Variants in SNAP29 observed in about 807,000 individuals in gnomAD.
The protein encoded by SNAP29 is synaptosomal-associated protein 29.
Under a neutral mutation model 27.9 loss-of-function variants are expected in SNAP29, and 13 were observed. The observed-to-expected ratio is 0.47, with a 90% CI of 0.30 to 0.74. The LOEUF is 0.74. Ranked by LOEUF, SNAP29 falls within the 30% of genes least tolerant of loss-of-function variation. SNAP29 has a pLI of 0.06. For missense variants in SNAP29, 368 were observed against 336.5 expected, an observed-to-expected ratio of 1.09 and a Z score of -0.73; for synonymous variants, 119 against 127.1, an observed-to-expected ratio of 0.94 and a Z score of 0.43.
chr22:20,866,190 G>A (rs538988030), intron 1 of SNAP29, among the ~76,000 whole-genome samples: 3 of 152,308 alleles, frequency 2.0e-5, no homozygotes, highest in South Asian at 2.1e-4. Flanking sequence ...GCACACAGAC[G>A]GCGAGGGGCA....
intron 2 of SNAP29, among the ~76,000 whole-genome samples, chr22:20,879,506 T>C (rs969980607): frequency 8.6e-5 from 13 of 151,814 alleles, no homozygotes; most frequent in Middle Eastern, 3.2e-3. Flanking sequence ...GCCACTGCAC[T>C]CCAGCCTGGG....
intron 2 of SNAP29, among the ~76,000 whole-genome samples, chr22:20,871,831 G>A (rs1394022072): frequency 2.0e-4 from 31 of 151,962 alleles, no homozygotes; most frequent in East Asian, 1.9e-4. Context: ...GCAGTGAGCT[G>A]AGATCATGCC....
At chr22:20,865,915 A>G (rs1928447585) in intron 1 of SNAP29, among the ~76,000 whole-genome samples, 1 of 152,210 alleles carries the variant, frequency 6.6e-6, no homozygotes, top group African/African-American at 2.4e-5. Flanking sequence ...AGTCTGTCAC[A>G]TAGGCATGGC....
chr22:20,883,292 G>A (rs1024082308), intron 3 of SNAP29, among the ~76,000 whole-genome samples, 179 bp from the exon 4 acceptor site: 1 of 152,116 alleles, frequency 6.6e-6, no homozygotes, highest in African/African-American at 2.4e-5. Flanking sequence ...CCGTGGAAGC[G>A]TCTCTTCTTC....
intron 2 of SNAP29, among the ~76,000 whole-genome samples, chr22:20,872,170 T>C (rs953398225): frequency 1.3e-5 from 2 of 152,140 alleles, no homozygotes; most frequent in African/African-American, 4.8e-5. Flanking sequence ...AAAAACTGCT[T>C]GATATTATGT....
At chr22:20,884,055 G>A (rs750297701) in intron 4 of SNAP29, among the ~76,000 whole-genome samples, 33 of 152,312 alleles carry the variant, frequency 2.2e-4, no homozygotes, top group Non-Finnish European at 2.6e-4. Context: ...GCAGGGGGCC[G>A]GGCGCAGTGG....
rs1928937648 is a variant in SNAP29 at position 20,883,487 on chromosome 22, G to T, written c.537G>T (p.Gly179=). The change falls in exon 4 of 5, where the codon GGG becomes GGT. Residue 179 remains glycine (G), a synonymous_variant. Coordinates refer to ENST00000215730, the MANE Select transcript of SNAP29 (RefSeq NM_004782.4). Reference sequence around the variant, plus strand: ...TAAACTTAGACCCTGTCCCCAGAGGGGCTGGTTCTGCCATGAGTACTGATG... The same window carrying T: ...TAAACTTAGACCCTGTCCCCAGAGGTGCTGGTTCTGCCATGAGTACTGATG... ...KLDDTDPVPR[G]AGSAMSTDAY... is the part of the protein sequence containing the mutation. The T allele has an allele frequency of 6.2e-7, 1 of 1,612,444 alleles. No homozygotes were observed. Among genetic ancestry groups the T allele is most frequent in the South Asian group, 1.1e-5 (1 of 91,032 alleles).
At chr22:20,871,965 A>G (rs1329063758) in intron 2 of SNAP29, among the ~76,000 whole-genome samples, 4 of 152,108 alleles carry the variant, frequency 2.6e-5, no homozygotes, top group Non-Finnish European at 5.9e-5. Flanking sequence ...GCTGAAGTAG[A>G]TTACTATTGT....
intron 2 of SNAP29, among the ~76,000 whole-genome samples, chr22:20,874,390 C>T (rs1928687556): frequency 2.1e-5 from 2 of 94,940 alleles, no homozygotes; most frequent in Non-Finnish European, 4.1e-5. Context: ...CACACACACA[C>T]ACACACGAAA....
In SNAP29 at chr22:20,890,528, C is replaced by T. The variant is rs148419415; in HGVS notation, c.*2692C>T. On this transcript the variant is annotated 3_prime_UTR_variant, in exon 5 of 5. Transcript: ENST00000215730. ...ATCCCAGTGCTTTGGGAGGCCAAGGCGGGGGGATCACGAGGTCAGGAGATC... is the reference window on the plus strand; with the variant it reads ...ATCCCAGTGCTTTGGGAGGCCAAGGTGGGGGGATCACGAGGTCAGGAGATC... The T allele has an allele frequency of 7.7e-3, 2,934 of 382,172 alleles. 30 individuals carry two copies. Among genetic ancestry groups the T allele is most frequent in the East Asian group, 0.045 (1,221 of 26,952 alleles). 23.7% of individuals were successfully genotyped at this position (382,172 alleles called of 1,614,324 possible). A position where few individuals can be genotyped will look rare whatever the true frequency, so the allele number is the denominator to read the frequency against.
At chr22:20,862,803 A>C (rs1928357916) in intron 1 of SNAP29, among the ~76,000 whole-genome samples, 1 of 152,182 alleles carries the variant, frequency 6.6e-6, no homozygotes, top group African/African-American at 2.4e-5. Context: ...TCAGTTCTCA[A>C]TTATGAGAAG....
In SNAP29 at chr22:20,859,281, C is replaced by A; in HGVS notation, c.171C>A (p.Ala57=). The change falls in exon 1 of 5, where the codon GCC becomes GCA. Residue 57 remains alanine (A), a synonymous_variant. Coordinates refer to ENST00000215730, the MANE Select transcript of SNAP29 (RefSeq NM_004782.4). ...QEVLRRAEAT[A]ASTSRSLALM... is the part of the protein sequence containing the mutation. ...TCCTCCGCAGGGCTGAGGCCACGGCCGCCAGCACCAGCAGGTCCCTGGCCC... is the reference window on the plus strand; with the variant it reads ...TCCTCCGCAGGGCTGAGGCCACGGCAGCCAGCACCAGCAGGTCCCTGGCCC... 1.2e-6 allele frequency: 2 copies of A among 1,610,714 alleles called. No homozygotes were observed. Among genetic ancestry groups the A allele is most frequent in the Non-Finnish European group, 1.7e-6 (2 of 1,179,340 alleles).
Position 20,887,608 on chromosome 22 carries a change from C to T in SNAP29, c.620-71C>T, listed in dbSNP as rs148106781. ...GATCCCTGTCTCTCCCACTTACCCA[C>T]ACCATCAAGAAGCATTTGCAGGTGC... On this transcript the variant is annotated intron_variant, in intron 4 of 4. Coordinates refer to ENST00000215730, the MANE Select transcript of SNAP29 (RefSeq NM_004782.4). The T allele has an allele frequency of 1.3e-5, 20 of 1,551,760 alleles. No individual in the cohort carries two copies. In the African/African-American group the frequency reaches 2.6e-4, roughly 20 times the overall value.
chr22:20,883,352 C>G, intron 3 of SNAP29, 119 bp from the exon 4 acceptor site: 1 of 723,404 alleles, frequency 1.4e-6, no homozygotes, highest in Non-Finnish European at 2.5e-6. Context: ...TGGATAGCCT[C>G]AGAACCAACC....
intron 1 of SNAP29, among the ~76,000 whole-genome samples, chr22:20,860,984 C>T (rs961512363): frequency 6.6e-6 from 1 of 152,130 alleles, no homozygotes; most frequent in Non-Finnish European, 1.5e-5. Flanking sequence ...TTGCAGTGAG[C>T]CATGTTCATA....
At chr22:20,886,386 C>T (rs555225912) in intron 4 of SNAP29, among the ~76,000 whole-genome samples, 3 of 152,134 alleles carry the variant, frequency 2.0e-5, no homozygotes, top group Non-Finnish European at 4.4e-5. Flanking sequence ...CAGCTCACTG[C>T]AGCCTCTGCC....
chr22:20,884,256 C>T (rs1388992675), intron 4 of SNAP29, among the ~76,000 whole-genome samples: 1 of 151,720 alleles, frequency 6.6e-6, no homozygotes. Flanking sequence ...CACTTGAACC[C>T]GGGAGGCAGA....
chr22:20,889,273 T>C lies in SNAP29; in HGVS notation c.*1437T>C, dbSNP rs1356926944. 1 of 152,192 alleles carries C rather than the reference T, an allele frequency of 6.6e-6. No homozygotes were observed. The highest frequency in any genetic ancestry group is 1.5e-5 in the Non-Finnish European group (1 of 68,038). 9.4% of individuals were successfully genotyped at this position (152,192 alleles called of 1,614,324 possible). Reference sequence around the variant, plus strand: ...TCAAAGCAAAGGAAACCTCCACAAGTGCTGCAACAGTGCATTAGTTTTTAT... The same window carrying C: ...TCAAAGCAAAGGAAACCTCCACAAGCGCTGCAACAGTGCATTAGTTTTTAT... On this transcript the variant is annotated 3_prime_UTR_variant, in exon 5 of 5. Coordinates refer to ENST00000215730, the MANE Select transcript of SNAP29 (RefSeq NM_004782.4).
At chr22:20,862,137 T>C (rs901599182) in intron 1 of SNAP29, among the ~76,000 whole-genome samples, 3 of 152,222 alleles carry the variant, frequency 2.0e-5, no homozygotes, top group African/African-American at 7.2e-5. Context: ...CTATGTTCCA[T>C]TCTAAATGGG....
Sources: gnomAD v4.1 joint callset for allele counts (sites outside exome capture counted in the v4.1 genomes callset) on GRCh38, gnomAD v4.1.1 for gene constraint, MANE v1.5 for transcripts, NCBI Gene and HGNC (gene_info 2026-07-23, HGNC 2026-07-21) for gene names.